The following CERS6 variants were observed in gnomAD, a reference collection of about 807,000 sequenced individuals.
CERS6 encodes ceramide synthase 6.
Under a neutral mutation model 56.8 loss-of-function variants are expected in CERS6, and 26 were observed. The observed-to-expected ratio is 0.46, with a 90% confidence interval of 0.34 to 0.63. The LOEUF is 0.63. CERS6 is among the 30% of genes least tolerant of loss of function. The pLI is 0.01. For missense variants in CERS6, 415 were observed against 467.5 expected, an observed-to-expected ratio of 0.89 and a Z score of 1.04; for synonymous variants, 164 against 173.3, an observed-to-expected ratio of 0.95 and a Z score of 0.42.
chr2:168,473,546 G>A (rs17807296), intron 1 of CERS6, among the ~76,000 whole-genome samples: 8,390 of 152,006 alleles, frequency 0.055, 338 homozygotes, highest in East Asian at 0.18. Flanking sequence ...AGCAGTAACC[G>A]TTTGTTAGTT....
intron 3 of CERS6, among the ~76,000 whole-genome samples, chr2:168,584,736 G>C (rs1683500567): frequency 6.6e-6 from 1 of 152,230 alleles, no homozygotes; most frequent in Admixed American, 6.5e-5. Context: ...TTGGCAACTT[G>C]ATATGGAGAA....
intron 1 of CERS6, among the ~76,000 whole-genome samples, chr2:168,487,541 A>G (rs1278029749): frequency 6.6e-6 from 1 of 152,212 alleles, no homozygotes; most frequent in Non-Finnish European, 1.5e-5. Context: ...GCTAATCTTT[A>G]TAAGTCTCAT....
chr2:168,613,809 A>G (rs1684244505), intron 3 of CERS6, among the ~76,000 whole-genome samples: 1 of 152,210 alleles, frequency 6.6e-6, no homozygotes, highest in Non-Finnish European at 1.5e-5. Context: ...GCTCGGTTCA[A>G]GTGGGCAGCT....
intron 2 of CERS6, among the ~76,000 whole-genome samples, chr2:168,552,714 A>G (rs564701071): frequency 2.0e-5 from 3 of 152,162 alleles, no homozygotes; most frequent in Non-Finnish European, 4.4e-5. Context: ...CGTGGAGGGT[A>G]TGTTTTCAGG....
chr2:168,702,815 A>G (rs183002012), intron 6 of CERS6, among the ~76,000 whole-genome samples: 7 of 152,368 alleles, frequency 4.6e-5, no homozygotes, highest in Admixed American at 2.0e-4. Flanking sequence ...AAGAATATCC[A>G]TAACTATCTG....
chr2:168,587,654 G>C (rs1013262725), intron 3 of CERS6, among the ~76,000 whole-genome samples: 3 of 151,810 alleles, frequency 2.0e-5, no homozygotes, highest in Admixed American at 6.6e-5. Flanking sequence ...GGAGTAGTTT[G>C]AGAAAAAAAA....
chr2:168,701,632 T>C (rs1005303179), intron 6 of CERS6, among the ~76,000 whole-genome samples: 13 of 152,208 alleles, frequency 8.5e-5, no homozygotes, highest in African/African-American at 2.4e-4. Flanking sequence ...TCAGTATCCA[T>C]GGGGAATTGG....
At chr2:168,634,708 C>T (rs934212290) in intron 4 of CERS6, among the ~76,000 whole-genome samples, 6 of 152,128 alleles carry the variant, frequency 3.9e-5, no homozygotes, top group East Asian at 3.8e-4. Flanking sequence ...CCACCACACC[C>T]GACACATGTG....
chr2:168,508,519 A>G (rs575190802), intron 1 of CERS6, among the ~76,000 whole-genome samples: 9 of 152,290 alleles, frequency 5.9e-5, no homozygotes, highest in African/African-American at 2.2e-4. Context: ...CCTTCTTAAA[A>G]TATTTTAGTG....
At chr2:168,542,920 C>A (rs1334438853) in intron 1 of CERS6, among the ~76,000 whole-genome samples, 1 of 152,190 alleles carries the variant, frequency 6.6e-6, no homozygotes, top group African/African-American at 2.4e-5. Context: ...TGGTCTTGAA[C>A]TCCTGGCCTC....
chr2:168,555,722 CTGTGTGTG>C (rs58781728), intron 2 of CERS6, among the ~76,000 whole-genome samples: 38,901 of 140,922 alleles, frequency 0.28, 6,014 homozygotes, highest in East Asian at 0.46. Context: ...ATAATTGACT[CTGTGTGTG>C]TGTGTGTGTG....
intron 1 of CERS6, among the ~76,000 whole-genome samples, chr2:168,515,755 G>GA (rs899981109): frequency 6.6e-6 from 1 of 152,170 alleles, no homozygotes; most frequent in African/African-American, 2.4e-5. Flanking sequence ...TACTATTTTT[G>GA]AAAGTACTTG....
At chr2:168,685,614 A>G (rs1242403084) in intron 4 of CERS6, among the ~76,000 whole-genome samples, 1 of 152,126 alleles carries the variant, frequency 6.6e-6, no homozygotes, top group African/African-American at 2.4e-5. Flanking sequence ...ACACTTAAAG[A>G]TGCTTCTTTA....
At chr2:168,732,320 C>T (rs1484806460) in intron 8 of CERS6, among the ~76,000 whole-genome samples, 1 of 152,228 alleles carries the variant, frequency 6.6e-6, no homozygotes, top group Non-Finnish European at 1.5e-5. Context: ...GACCACATCT[C>T]ATTCTCCCTT....
chr2:168,466,476 C>G (rs1693879649), intron 1 of CERS6, among the ~76,000 whole-genome samples: 1 of 152,146 alleles, frequency 6.6e-6, no homozygotes, highest in Non-Finnish European at 1.5e-5. Flanking sequence ...ATGCATTTTA[C>G]AAGCAAATGA....
chr2:168,702,611 A>G (rs1686833310), intron 6 of CERS6, among the ~76,000 whole-genome samples: 1 of 152,214 alleles, frequency 6.6e-6, no homozygotes. Flanking sequence ...AAAAATCACT[A>G]CTCAGCGAAC....
At chr2:168,656,081 A>C (rs978067474) in intron 4 of CERS6, among the ~76,000 whole-genome samples, 1 of 152,186 alleles carries the variant, frequency 6.6e-6, no homozygotes, top group African/African-American at 2.4e-5. Context: ...GTTGCTCTTT[A>C]GTCTTCTCAA....
chr2:168,685,335 A>C, intron 4 of CERS6, among the ~76,000 whole-genome samples: 1 of 152,172 alleles, frequency 6.6e-6, no homozygotes, highest in East Asian at 1.9e-4. Flanking sequence ...GCAGATGCCT[A>C]CTGGTTCTTG....
chr2:168,655,253 G>A (rs1559038277), intron 4 of CERS6, among the ~76,000 whole-genome samples: 1 of 152,276 alleles, frequency 6.6e-6, no homozygotes, highest in East Asian at 1.9e-4. Flanking sequence ...AGGGTATGGA[G>A]AAAGGGAATT....
Sources: gnomAD v4.1 joint callset for allele counts (sites outside exome capture counted in the v4.1 genomes callset) on GRCh38, gnomAD v4.1.1 for gene constraint, MANE v1.5 for transcripts, NCBI Gene and HGNC (gene_info 2026-07-23, HGNC 2026-07-21) for gene names.